The following KIF2A variants were observed in gnomAD, a reference collection of about 807,000 sequenced individuals.
KIF2A encodes kinesin-like protein KIF2A.
In KIF2A, 22 loss-of-function variants were observed where a neutral mutation model predicts 100.2. The observed-to-expected ratio is 0.22, with a 90% confidence interval of 0.16 to 0.31. The LOEUF is 0.31. Ranked by LOEUF, KIF2A falls within the 10% of genes least tolerant of loss-of-function variation. The pLI is 1.00. For synonymous variants in KIF2A, 268 were observed against 285.9 expected, an observed-to-expected ratio of 0.94 and a Z score of 0.63; for missense variants, 495 against 898.7, an observed-to-expected ratio of 0.55 and a Z score of 5.74.
intron 1 of KIF2A, among the ~76,000 whole-genome samples, chr5:62,314,991 G>A (rs1309887090): frequency 6.6e-6 from 1 of 151,720 alleles, no homozygotes; most frequent in Non-Finnish European, 1.5e-5. Flanking sequence ...TTAAACTCCT[G>A]ACCTCAAGTG....
At chr5:62,335,347 C>T (rs1244489756) in intron 1 of KIF2A, among the ~76,000 whole-genome samples, 1 of 152,220 alleles carries the variant, frequency 6.6e-6, no homozygotes, top group Non-Finnish European at 1.5e-5. Flanking sequence ...GAGTATTCAT[C>T]ACCATCCCTC....
At chr5:62,336,900 C>T (rs1282641487) in intron 1 of KIF2A, among the ~76,000 whole-genome samples, 3 of 151,890 alleles carry the variant, frequency 2.0e-5, no homozygotes, top group Non-Finnish European at 4.4e-5. Context: ...AAAAGTTTAC[C>T]AAAATACTAG....
intron 18 of KIF2A, among the ~76,000 whole-genome samples, chr5:62,374,539 A>G (rs1302435411): frequency 1.3e-5 from 2 of 152,136 alleles, no homozygotes; most frequent in Admixed American, 6.6e-5. Flanking sequence ...AATCTAAACC[A>G]TTCATTTTTT....
chr5:62,363,468 A>C (rs1740914030), intron 13 of KIF2A, 148 bp downstream of exon 13: 1 of 768,282 alleles, frequency 1.3e-6, no homozygotes, highest in Non-Finnish European at 2.1e-6. Flanking sequence ...TGTGAGTGAC[A>C]ATTATTATAT....
chr5:62,347,507 T>C (rs1218873543), intron 2 of KIF2A, among the ~76,000 whole-genome samples: 1 of 152,216 alleles, frequency 6.6e-6, no homozygotes, highest in Non-Finnish European at 1.5e-5. Context: ...GTGGTTCTAT[T>C]GGTCACTGTG....
At chr5:62,319,343 G>T (rs1425608949) in intron 1 of KIF2A, among the ~76,000 whole-genome samples, 2 of 152,114 alleles carry the variant, frequency 1.3e-5, no homozygotes, top group Non-Finnish European at 2.9e-5. Flanking sequence ...GCTTATGGTG[G>T]ACCCTGAACA....
chr5:62,348,489 C>T (rs1359045869), intron 3 of KIF2A, among the ~76,000 whole-genome samples: 1 of 152,088 alleles, frequency 6.6e-6, no homozygotes, highest in Non-Finnish European at 1.5e-5. Context: ...TTGACAAAGG[C>T]ATAATAGCTG....
chr5:62,324,386 G>C (rs761458093), intron 1 of KIF2A, among the ~76,000 whole-genome samples: 6 of 152,078 alleles, frequency 3.9e-5, no homozygotes, highest in Non-Finnish European at 8.8e-5. Context: ...AACCAAAAAA[G>C]AACCTAATAG....
chr5:62,365,050 G>A (rs1020284026), intron 14 of KIF2A, among the ~76,000 whole-genome samples, 193 bp from the exon 15 acceptor site: 5 of 152,040 alleles, frequency 3.3e-5, no homozygotes, highest in African/African-American at 7.2e-5. Flanking sequence ...CCAAGATTGC[G>A]CCACCACACC....
Position 62,361,245 on chromosome 5 carries a change from T to C in KIF2A, c.876T>C (p.Phe292=), listed in dbSNP as rs1748390347. The change falls in exon 10 of 21, where the codon TTT becomes TTC. Residue 292 remains phenylalanine (F), a synonymous_variant. Transcript: ENST00000407818. ...ACTGATGCATTTTATTTTTAAGGTT[T>C]ACTGCTAGACCACTAGTGGAAACTA... is the stretch of plus-strand genomic sequence containing the variant. The part of the protein sequence containing the change: ...DSAPNEMVYR[F]TARPLVETIF... The C allele has an allele frequency of 6.3e-7, 1 of 1,584,806 alleles. No homozygotes were observed. The highest frequency in any genetic ancestry group is 1.1e-5 in the South Asian group (1 of 87,804).
At chr5:62,369,026 A>G (rs183569095) in intron 16 of KIF2A, among the ~76,000 whole-genome samples, 7 of 152,224 alleles carry the variant, frequency 4.6e-5, no homozygotes. Flanking sequence ...GCCATGTTGT[A>G]GAATTAAAAC....
chr5:62,357,534 T>C (rs935173758), intron 7 of KIF2A, among the ~76,000 whole-genome samples, 157 bp from the exon 8 acceptor site: 1 of 152,216 alleles, frequency 6.6e-6, no homozygotes, highest in Non-Finnish European at 1.5e-5. Flanking sequence ...CTGACAACCA[T>C]TAAAATTTGT....
At chr5:62,358,405 C>A in intron 9 of KIF2A, 106 bp downstream of exon 9, 1 of 662,714 alleles carries the variant, frequency 1.5e-6, no homozygotes, top group Non-Finnish European at 2.5e-6. Flanking sequence ...GTGCAATATG[C>A]TGTTTTATTC....
intron 1 of KIF2A, among the ~76,000 whole-genome samples, chr5:62,338,608 A>G (rs1362989503): frequency 1.3e-5 from 2 of 152,160 alleles, no homozygotes; most frequent in Non-Finnish European, 2.9e-5. Context: ...TTTAAAAGAA[A>G]ATGTAAGAGA....
chr5:62,306,579 T>A, intron 1 of KIF2A, 43 bp downstream of exon 1: 3 of 1,506,516 alleles, frequency 2.0e-6, no homozygotes, highest in Non-Finnish European at 2.7e-6. Flanking sequence ...CGGCCCCGTG[T>A]TCGGGTGTGC....
At position 62,363,773 on chromosome 5, in the gene KIF2A, A is replaced by G. The variant is rs755814377; in HGVS notation, c.1341A>G (p.Gly447=). Reference sequence around the variant, plus strand: ...TTCAGATTATTCTTAGAAGGAAAGGAAAACTACATGGCAAATTTTCTCTCA... The same window carrying G: ...TTCAGATTATTCTTAGAAGGAAAGGGAAACTACATGGCAAATTTTCTCTCA... ...AVFQIILRRK[G]KLHGKFSLID... The change falls in exon 14 of 21, where the codon GGA becomes GGG. Residue 447 remains glycine (G), a synonymous_variant. Coordinates refer to ENST00000407818, the MANE Select transcript of KIF2A (RefSeq NM_001098511.3). 20 of 1,613,870 alleles carry G rather than the reference A, an allele frequency of 1.2e-5. No homozygotes were observed. The East Asian group carries it at 4.5e-4, about 36-fold the overall frequency.
intron 1 of KIF2A, among the ~76,000 whole-genome samples, chr5:62,323,236 A>G (rs1746194137): frequency 6.7e-6 from 1 of 149,958 alleles, no homozygotes; most frequent in African/African-American, 2.5e-5. Flanking sequence ...AGCCTGGGCA[A>G]CGAGCGAAAC....
intron 19 of KIF2A, among the ~76,000 whole-genome samples, chr5:62,380,906 T>G (rs1044882181): frequency 1.3e-5 from 2 of 152,104 alleles, no homozygotes; most frequent in Admixed American, 1.3e-4. Flanking sequence ...TTGAAAAAAA[T>G]CCACATAAGT....
intron 18 of KIF2A, among the ~76,000 whole-genome samples, chr5:62,374,971 A>T (rs184524363): frequency 6.6e-6 from 1 of 152,314 alleles, no homozygotes; most frequent in Admixed American, 6.5e-5. Context: ...CTGTGGACAT[A>T]TGCATCTATA....
Sources: gnomAD v4.1 joint callset for allele counts (sites outside exome capture counted in the v4.1 genomes callset) on GRCh38, gnomAD v4.1.1 for gene constraint, MANE v1.5 for transcripts, NCBI Gene and HGNC (gene_info 2026-07-23, HGNC 2026-07-21) for gene names.